CD44: variants seen among roughly 807,000 people sequenced by gnomAD.
The protein encoded by CD44 is CD44 molecule (IN blood group).
A neutral mutation model predicts 88.8 loss-of-function variants in CD44; 49 were observed. That is an observed-to-expected ratio of 0.55 (90% CI 0.44 to 0.70). CD44 has a LOEUF of 0.70. Among genes scored for constraint, CD44 ranks in the 30% least tolerant of loss-of-function variants. CD44 has a pLI of 0.00. For missense variants in CD44, 883 were observed against 913.8 expected (o/e 0.97, Z 0.43); for synonymous variants, 325 against 312.3 (o/e 1.04, Z -0.43).
At chr11:35,162,926 G>A (rs1016470296) in intron 1 of CD44, among the ~76,000 whole-genome samples, 6 of 152,040 alleles carry the variant, frequency 3.9e-5, no homozygotes, top group South Asian at 2.1e-4. Flanking sequence ...ACCCATGTTC[G>A]CTTTAGCATC....
chr11:35,181,863 A>ATAAAAATTATATTTATATATAAATT, intron 3 of CD44, among the ~76,000 whole-genome samples: 1 of 45,800 alleles, frequency 2.2e-5, no homozygotes, highest in South Asian at 6.2e-4. Context: ...ATATAAATTT[A>ATAAAAATTATATTTATATATAAATT]TATATATATA....
intron 2 of CD44, among the ~76,000 whole-genome samples, chr11:35,178,247 T>C (rs1272310334): frequency 6.6e-6 from 1 of 152,226 alleles, no homozygotes; most frequent in Non-Finnish European, 1.5e-5. Flanking sequence ...TTGCAAAATA[T>C]AGATATGCTG....
At position 35,191,435 on chromosome 11, in the gene CD44, G is replaced by A. The variant is rs573598696; in HGVS notation, c.667+1370G>A. Among the ~76,000 whole-genome samples, 8 of 152,252 alleles carry A rather than the reference G, an allele frequency of 5.3e-5. No homozygotes were observed. The South Asian group carries it at 1.7e-3, about 32-fold the overall frequency. On this transcript the variant is annotated intron_variant, in intron 5 of 17. Coordinates refer to ENST00000428726, the MANE Select transcript of CD44 (RefSeq NM_000610.4). ...TTATTGGCCCTCTTGAGTTTGCATC[G>A]GCTTATTGTTGGTAGTCCCGTGGGC...
intron 3 of CD44, among the ~76,000 whole-genome samples, chr11:35,184,912 T>G (rs1447148395): frequency 6.6e-6 from 1 of 152,232 alleles, no homozygotes; most frequent in East Asian, 1.9e-4. Context: ...CTTGGGAAAT[T>G]ATATCGGTAC....
At chr11:35,186,660 G>GA (rs1204889995) in intron 3 of CD44, among the ~76,000 whole-genome samples, 172 bp from the exon 4 acceptor site, 1 of 152,146 alleles carries the variant, frequency 6.6e-6, no homozygotes, top group Admixed American at 6.5e-5. Context: ...GGTAAAAACG[G>GA]AAAATCCATC....
chr11:35,160,433 C>T (rs1942451644), intron 1 of CD44, among the ~76,000 whole-genome samples: 1 of 152,138 alleles, frequency 6.6e-6, no homozygotes, highest in African/African-American at 2.4e-5. Context: ...CTGGCTAGTC[C>T]ACCCTGTCTG....
chr11:35,151,376 C>T (rs1380598585), intron 1 of CD44, among the ~76,000 whole-genome samples: 6 of 152,166 alleles, frequency 3.9e-5, no homozygotes, highest in Non-Finnish European at 8.8e-5. Context: ...TCAGACAGTG[C>T]TAGACAGAGT....
At chr11:35,139,690 C>A (rs1037440050) in intron 1 of CD44, 2 of 592,000 alleles carry the variant, frequency 3.4e-6, no homozygotes, top group South Asian at 3.0e-5. Context: ...TGCGCACAGT[C>A]GTTGTCTGGA....
At chr11:35,167,160 G>A (rs1943380760) in intron 1 of CD44, among the ~76,000 whole-genome samples, 1 of 152,184 alleles carries the variant, frequency 6.6e-6, no homozygotes, top group South Asian at 2.1e-4. Context: ...GCTTTTTTGA[G>A]AGCAGCTTGC....
intron 3 of CD44, among the ~76,000 whole-genome samples, chr11:35,183,451 T>A (rs996385036): frequency 5.9e-5 from 9 of 152,272 alleles, no homozygotes; most frequent in African/African-American, 2.2e-4. Flanking sequence ...GAGCTAAAGA[T>A]TTTGATAAAC....
At chr11:35,145,007 A>T (rs1858832184) in intron 1 of CD44, among the ~76,000 whole-genome samples, 1 of 152,170 alleles carries the variant, frequency 6.6e-6, no homozygotes, top group Non-Finnish European at 1.5e-5. Context: ...CACATGTTTG[A>T]TTCTTGTTTG....
At chr11:35,196,928 T>A in intron 6 of CD44, 54 bp downstream of exon 6, 1 of 1,575,246 alleles carries the variant, frequency 6.3e-7, no homozygotes, top group East Asian at 2.3e-5. Context: ...CCTTGAATAA[T>A]TTTGATTGAC....
chr11:35,161,822 C>G (rs1031889925), intron 1 of CD44, among the ~76,000 whole-genome samples: 1 of 152,056 alleles, frequency 6.6e-6, no homozygotes, highest in Non-Finnish European at 1.5e-5. Flanking sequence ...CTTATTTAAT[C>G]TGTGTGCTGG....
intron 10 of CD44, among the ~76,000 whole-genome samples, chr11:35,205,150 A>T (rs186298938): frequency 6.6e-6 from 1 of 152,248 alleles, no homozygotes; most frequent in Admixed American, 6.5e-5. Context: ...TTTGTTTTTG[A>T]GTATAAAAAA....
chr11:35,141,112 A>T (rs1010622921), intron 1 of CD44, among the ~76,000 whole-genome samples: 4 of 152,110 alleles, frequency 2.6e-5, no homozygotes, highest in African/African-American at 9.7e-5. Context: ...GTGTTATCTC[A>T]TTCTACCCTC....
At chr11:35,160,406 C>T (rs572676386) in intron 1 of CD44, among the ~76,000 whole-genome samples, 45 of 152,140 alleles carry the variant, frequency 3.0e-4, no homozygotes, top group Non-Finnish European at 5.6e-4. Flanking sequence ...TTGTGTTTTG[C>T]CAATTGTTTC....
At chr11:35,177,699 A>C (rs1476696823) in intron 2 of CD44, among the ~76,000 whole-genome samples, 1 of 152,220 alleles carries the variant, frequency 6.6e-6, no homozygotes, top group Non-Finnish European at 1.5e-5. Context: ...ACAGTCATGC[A>C]CCCACATTAT....
Sources: allele counts gnomAD v4.1 joint callset (sites outside exome capture counted in the v4.1 genomes callset), GRCh38; gene constraint gnomAD v4.1.1; transcripts MANE v1.5; gene names NCBI Gene and HGNC (gene_info 2026-07-23, HGNC 2026-07-21).